The following ANKAR variants were observed in gnomAD, a reference collection of about 807,000 sequenced individuals.
ANKAR encodes the protein ankyrin and armadillo repeat containing, also known as ankyrin and armadillo repeat-containing protein.
In ANKAR, 136 loss-of-function variants were observed where a neutral mutation model predicts 146.2. That is an observed-to-expected ratio of 0.93 (90% CI 0.81 to 1.07). ANKAR has a LOEUF of 1.07. Among genes scored for constraint, ANKAR ranks in the 50% least tolerant of loss-of-function variants. ANKAR has a pLI of 0.00. For synonymous variants in ANKAR, 500 were observed against 575.8 expected (o/e 0.87, Z 1.88); for missense variants, 1,567 against 1,679.9 (o/e 0.93, Z 1.18).
In ANKAR at chr2:189,674,799, C is replaced by T. The variant is rs970441538; in HGVS notation, c.-67C>T. The T allele has an allele frequency of 7.9e-5, 12 of 152,302 alleles. No individual in the cohort carries two copies. The highest frequency in any genetic ancestry group is 2.9e-4 in the African/African-American group (12 of 41,470). The allele number at this position is 152,302 out of a possible 1,614,324, so 9.4% of individuals were successfully genotyped here. ...ACGGGAACGCCGCGGACGCAGCGTC[C>T]CTCTCCCGGACAAGAAAACAGCCAT... is the stretch of plus-strand genomic sequence containing the variant. On this transcript the variant is annotated 5_prime_UTR_variant, in exon 1 of 23. Coordinates refer to ENST00000684021, the MANE Select transcript of ANKAR (RefSeq NM_001378068.1).
intron 18 of ANKAR, chr2:189,752,997 A>G (rs1263637208): frequency 6.3e-7 from 1 of 1,592,224 alleles, no homozygotes; most frequent in East Asian, 2.2e-5. Flanking sequence ...AATTGAGAAA[A>G]CCAAAATAAC....
chr2:189,761,748 A>C, downstream of ANKAR: 1 of 1,339,014 alleles, frequency 7.5e-7, no homozygotes, highest in East Asian at 2.7e-5. Flanking sequence ...GAATTACAGG[A>C]AAGTTTGTAA....
At chr2:189,758,697 A>G (rs1439447284) in intron 18 of ANKAR, among the ~76,000 whole-genome samples, 6 of 152,210 alleles carry the variant, frequency 3.9e-5, no homozygotes, top group African/African-American at 1.4e-4. Context: ...TGATGTGTCA[A>G]ACATTGTGTT....
At chr2:189,688,462 AT>A (rs2035925754) in intron 2 of ANKAR, among the ~76,000 whole-genome samples, 1 of 152,028 alleles carries the variant, frequency 6.6e-6, no homozygotes, top group African/African-American at 2.4e-5. Context: ...TTTCATATAT[AT>A]ATTTAGGATT....
intron 2 of ANKAR, among the ~76,000 whole-genome samples, chr2:189,684,854 G>T (rs2035303564): frequency 6.7e-6 from 1 of 149,420 alleles, no homozygotes; most frequent in Non-Finnish European, 1.5e-5. Flanking sequence ...AAAAATAGAG[G>T]TTAAAGCTGT....
intron 17 of ANKAR, among the ~76,000 whole-genome samples, chr2:189,733,754 C>T (rs1179514942): frequency 6.6e-6 from 1 of 151,814 alleles, no homozygotes; most frequent in Non-Finnish European, 1.5e-5. Flanking sequence ...AATTTGCACG[C>T]CTTATTTAAA....
At chr2:189,732,727 C>T (rs1449324035) in intron 16 of ANKAR, among the ~76,000 whole-genome samples, 2 of 137,070 alleles carry the variant, frequency 1.5e-5, no homozygotes, top group Non-Finnish European at 3.1e-5. Flanking sequence ...CAGTAGTTAA[C>T]AAGCAGTTCA....
At chr2:189,750,432 GCAGGTAAAAC>G, downstream of ANKAR, 2 of 503,660 alleles carry the variant, frequency 4.0e-6, no homozygotes, top group Middle Eastern at 5.3e-4. Flanking sequence ...TCTCAGAAGA[GCAGGTAAAAC>G]ATCAAATAGA....
chr2:189,750,856 T>C (rs762732801), downstream of ANKAR, among the ~76,000 whole-genome samples: 59 of 152,318 alleles, frequency 3.9e-4, no homozygotes, highest in Middle Eastern at 0.014. Context: ...ATAAGAAATC[T>C]AAATTTTGAG....
chr2:189,719,374 C>G (rs1206527229), intron 10 of ANKAR, among the ~76,000 whole-genome samples, 198 bp from the exon 11 acceptor site: 1 of 152,096 alleles, frequency 6.6e-6, no homozygotes, highest in Non-Finnish European at 1.5e-5. Context: ...ACAATGAGAG[C>G]TGCCCATACC....
At chr2:189,745,367 AT>A (rs2044009362) in intron 22 of ANKAR, among the ~76,000 whole-genome samples, 1 of 152,156 alleles carries the variant, frequency 6.6e-6, no homozygotes, top group Non-Finnish European at 1.5e-5. Flanking sequence ...TTCTCAAACC[AT>A]GCATAGAAGT....
intron 15 of ANKAR, 27 bp downstream of exon 15, chr2:189,728,848 A>G: frequency 1.9e-6 from 3 of 1,592,154 alleles, no homozygotes; most frequent in Non-Finnish European, 2.6e-6. Flanking sequence ...TCAATTTCTT[A>G]AATATCTGTA....
intron 12 of ANKAR, among the ~76,000 whole-genome samples, chr2:189,721,536 C>T (rs565013806): frequency 1.3e-4 from 20 of 152,138 alleles, no homozygotes; most frequent in African/African-American, 2.7e-4. Context: ...AGATATTTGA[C>T]GTCAAAATTC....
chr2:189,738,728 C>A, intron 19 of ANKAR, 46 bp downstream of exon 19: 1 of 1,213,112 alleles, frequency 8.2e-7, no homozygotes, highest in Non-Finnish European at 1.2e-6. Flanking sequence ...AAACTATTTT[C>A]AAAAACAGTT....
intron 20 of ANKAR, 121 bp from the exon 21 acceptor site, chr2:189,743,154 C>G: frequency 1.2e-6 from 1 of 864,360 alleles, no homozygotes; most frequent in Admixed American, 2.7e-5. Flanking sequence ...TGTTTGCATA[C>G]ATATTTGCTT....
At chr2:189,705,820 G>A (rs73979026) in intron 8 of ANKAR, among the ~76,000 whole-genome samples, 1 of 152,066 alleles carries the variant, frequency 6.6e-6, no homozygotes, top group Admixed American at 6.5e-5. Flanking sequence ...TTAGGGTAAA[G>A]GTGTAACTTC....
At chr2:189,734,459 G>A (rs912553397) in intron 17 of ANKAR, among the ~76,000 whole-genome samples, 13 of 152,176 alleles carry the variant, frequency 8.5e-5, no homozygotes, top group African/African-American at 2.6e-4. Flanking sequence ...CACTGTTAAT[G>A]ATTTTGTGGA....
intron 1 of ANKAR, 65 bp from the exon 2 acceptor site, chr2:189,676,391 G>A: frequency 5.2e-6 from 7 of 1,344,004 alleles, no homozygotes; most frequent in Non-Finnish European, 6.9e-6. Flanking sequence ...TTTATTTCTA[G>A]ACAAATCCAG....
chr2:189,751,535 C>T (rs139896291), downstream of ANKAR, among the ~76,000 whole-genome samples: 5 of 149,402 alleles, frequency 3.3e-5, no homozygotes, highest in East Asian at 2.0e-4. Flanking sequence ...ACCTCCACCT[C>T]GAGGATTCAG....
Sources: gnomAD v4.1 joint callset for allele counts (sites outside exome capture counted in the v4.1 genomes callset) on GRCh38, gnomAD v4.1.1 for gene constraint, MANE v1.5 for transcripts, NCBI Gene and HGNC (gene_info 2026-07-23, HGNC 2026-07-21) for gene names.